LY6S: variants seen among roughly 807,000 people sequenced by gnomAD.
The protein encoded by LY6S is lymphocyte antigen 6 family member S.
At chr8:143,044,420 G>A in the LY6S span, among the ~76,000 whole-genome samples, 18 of 152,136 alleles carry the variant, frequency 1.2e-4, no homozygotes, top group Admixed American at 5.2e-4. Context: ...TCTAGAACCC[G>A]GAACATCCCC....
chr8:143,046,969 C>A, the LY6S span, among the ~76,000 whole-genome samples: 4,119 of 151,966 alleles, frequency 0.027, 156 homozygotes, highest in East Asian at 0.15. Context: ...CCATTGTACT[C>A]CAGCCTGGGT....
chr8:143,072,653 G>T, the LY6S span, among the ~76,000 whole-genome samples: 10 of 129,924 alleles, frequency 7.7e-5, no homozygotes, highest in South Asian at 2.6e-4. Context: ...GTCGTCCTCG[G>T]GGTCCCTGTT....
the LY6S span, among the ~76,000 whole-genome samples, chr8:143,066,873 T>C: frequency 6.6e-6 from 1 of 152,104 alleles, no homozygotes; most frequent in African/African-American, 2.4e-5. Flanking sequence ...GGACATGAGA[T>C]TCGGGAAGCC....
At chr8:143,074,858 C>T in the LY6S span, among the ~76,000 whole-genome samples, 21 of 152,224 alleles carry the variant, frequency 1.4e-4, no homozygotes, top group African/African-American at 5.1e-4. Flanking sequence ...CGATGACTAA[C>T]CCGCCCTCAG....
At chr8:143,043,295 C>G in the LY6S span, 3 of 1,297,416 alleles carry the variant, frequency 2.3e-6, no homozygotes, top group Non-Finnish European at 3.1e-6. Flanking sequence ...CGACGTCCTT[C>G]TGGCAGGAGA....
chr8:143,055,991 T>G, the LY6S span, among the ~76,000 whole-genome samples: 2 of 151,880 alleles, frequency 1.3e-5, no homozygotes, highest in African/African-American at 4.8e-5. Context: ...GTCACATAAA[T>G]TCTTTTTATT....
chr8:143,043,451 G>A, the LY6S span, among the ~76,000 whole-genome samples: 2 of 152,222 alleles, frequency 1.3e-5, no homozygotes, highest in African/African-American at 4.8e-5. Context: ...GAACATCAAA[G>A]CCATCAGGAC....
the LY6S span, chr8:143,044,649 A>T: frequency 7.3e-7 from 1 of 1,361,558 alleles, no homozygotes; most frequent in African/African-American, 1.5e-5. Flanking sequence ...CCCTCCCCAG[A>T]ACCTGCCCTC....
At chr8:143,050,148 A>G in the LY6S span, among the ~76,000 whole-genome samples, 2 of 148,620 alleles carry the variant, frequency 1.3e-5, no homozygotes, top group Admixed American at 6.7e-5. Flanking sequence ...AGCCATCGCC[A>G]TTCTAGTAGA....
At chr8:143,070,463 TAATATATATATA>T in the LY6S span, among the ~76,000 whole-genome samples, 1 of 39,266 alleles carries the variant, frequency 2.5e-5, no homozygotes, top group African/African-American at 8.5e-5. Flanking sequence ...TATATATATA[TAATATATATATA>T]AATATATATA....
the LY6S span, among the ~76,000 whole-genome samples, chr8:143,046,123 G>A: frequency 1.1e-4 from 17 of 152,112 alleles, no homozygotes; most frequent in East Asian, 3.9e-4. Flanking sequence ...AAAGTGCTAC[G>A]ATTACAAGTG....
At chr8:143,048,958 AC>A in the LY6S span, among the ~76,000 whole-genome samples, 14 of 152,136 alleles carry the variant, frequency 9.2e-5, 1 homozygote, top group Admixed American at 6.5e-5. Flanking sequence ...CCAATGGCCA[AC>A]CAGTGAGGCA....
the LY6S span, among the ~76,000 whole-genome samples, chr8:143,045,099 C>T: frequency 1.3e-5 from 2 of 152,284 alleles, no homozygotes; most frequent in Admixed American, 6.5e-5. The surrounding 1 kb of genome is among the most constrained non-coding windows in gnomAD (Gnocchi z 5.3). Context: ...AGCCAGCACG[C>T]GCGGTAACAA....
the LY6S span, among the ~76,000 whole-genome samples, chr8:143,074,452 C>A: frequency 6.6e-6 from 1 of 152,174 alleles, no homozygotes; most frequent in Non-Finnish European, 1.5e-5. Flanking sequence ...TATGTTTAGT[C>A]TGCTCTTAAG....
At chr8:143,051,951 G>A in the LY6S span, among the ~76,000 whole-genome samples, 1 of 143,628 alleles carries the variant, frequency 7.0e-6, no homozygotes, top group Admixed American at 7.2e-5. Flanking sequence ...CAGCCTGGGT[G>A]ACAGAGTGAG....
the LY6S span, among the ~76,000 whole-genome samples, chr8:143,047,145 A>AT: frequency 0.67 from 99,099 of 148,222 alleles, 33,057 homozygotes; most frequent in East Asian, 0.74. Flanking sequence ...TAGGGGCTTG[A>AT]TTTTTTTTTT....
chr8:143,052,966 G>A, the LY6S span, among the ~76,000 whole-genome samples: 1 of 152,176 alleles, frequency 6.6e-6, no homozygotes, highest in Non-Finnish European at 1.5e-5. Context: ...CAAAATCTAG[G>A]CCAGGTACGG....
At chr8:143,051,395 G>T in the LY6S span, among the ~76,000 whole-genome samples, 1 of 151,914 alleles carries the variant, frequency 6.6e-6, no homozygotes, top group Non-Finnish European at 1.5e-5. Context: ...ACAAAAATTA[G>T]CTGGCCGTGA....
chr8:143,043,289 G>A, the LY6S span: 11 of 1,313,842 alleles, frequency 8.4e-6, no homozygotes, highest in Non-Finnish European at 1.1e-5. Flanking sequence ...GGAATCCGAC[G>A]TCCTTCTGGC....
Sources: gnomAD v4.1 joint callset for allele counts (sites outside exome capture counted in the v4.1 genomes callset) on GRCh38, gnomAD v4.1.1 for gene constraint, Gnocchi (gnomAD v3.1) non-coding constraint, MANE v1.5 for transcripts, NCBI Gene and HGNC (gene_info 2026-07-23, HGNC 2026-07-21) for gene names.